SCD5: variants seen among roughly 807,000 people sequenced by gnomAD.
SCD5 encodes acyl-CoA-desaturase 4.
In SCD5, 20 loss-of-function variants were observed where a neutral mutation model predicts 30.4. The observed-to-expected ratio is 0.66, with a 90% confidence interval of 0.46 to 0.96. The LOEUF is 0.96. SCD5 is among the 40% of genes least tolerant of loss of function. SCD5 has a pLI of 0.00. For missense variants in SCD5, 381 were observed against 443.3 expected (o/e 0.86, Z 1.26); for synonymous variants, 173 against 176.4 (o/e 0.98, Z 0.16).
chr4:82,666,380 G>A (rs1342750317), intron 3 of SCD5, among the ~76,000 whole-genome samples: 1 of 152,148 alleles, frequency 6.6e-6, no homozygotes, highest in African/African-American at 2.4e-5. Context: ...GCCGGGCGTG[G>A]TGGCGGGCGC....
At chr4:82,649,058 A>G (rs574665800) in intron 3 of SCD5, among the ~76,000 whole-genome samples, 111 of 152,242 alleles carry the variant, frequency 7.3e-4, no homozygotes, top group African/African-American at 2.4e-3. Flanking sequence ...ATTACTAGAT[A>G]GCTGAGTAGT....
chr4:82,751,010 T>C (rs17006278), intron 1 of SCD5, among the ~76,000 whole-genome samples: 7,378 of 152,278 alleles, frequency 0.048, 613 homozygotes, highest in African/African-American at 0.17. Context: ...TCTGTGACTA[T>C]GTCTTCCTCC....
chr4:82,754,813 T>A (rs1721198526), intron 1 of SCD5, among the ~76,000 whole-genome samples: 1 of 152,160 alleles, frequency 6.6e-6, no homozygotes, highest in African/African-American at 2.4e-5. Context: ...AACACTGGGA[T>A]CTGTGAGGCT....
chr4:82,763,318 C>G (rs1721418396), intron 1 of SCD5, among the ~76,000 whole-genome samples: 1 of 152,136 alleles, frequency 6.6e-6, no homozygotes, highest in African/African-American at 2.4e-5. Context: ...TCGAGACCAG[C>G]CTGGCCAACA....
intron 1 of SCD5, among the ~76,000 whole-genome samples, chr4:82,739,167 TC>T (rs1385644952): frequency 1.3e-5 from 2 of 152,304 alleles, no homozygotes; most frequent in South Asian, 2.1e-4. Flanking sequence ...AAGTACCTGT[TC>T]TTGTCCTTGC....
rs780529780 is a variant in SCD5 at position 82,680,920 on chromosome 4, G to A, written c.364-8C>T. 1 of 1,608,522 alleles carries A rather than the reference G, an allele frequency of 6.2e-7. No individual in the cohort carries two copies. The highest frequency in any genetic ancestry group is 2.2e-5 in the East Asian group (1 of 44,844). ...CCACTCGAAGATGTCATTCTGCAGA[G>A]AGAATGAGAGCCTGAGTGAAGAGAG... On this transcript the variant is annotated splice_polypyrimidine_tract_variant and splice_region_variant and intron_variant, in intron 2 of 4. Transcript: ENST00000319540.
chr4:82,744,073 G>A (rs1478880951), intron 1 of SCD5, among the ~76,000 whole-genome samples: 1 of 152,072 alleles, frequency 6.6e-6, no homozygotes, highest in Admixed American at 6.6e-5. Flanking sequence ...AGATCCGCCT[G>A]CCTCAGCCTC....
intron 1 of SCD5, among the ~76,000 whole-genome samples, chr4:82,713,026 C>T (rs1720143841): frequency 6.6e-6 from 1 of 152,194 alleles, no homozygotes; most frequent in African/African-American, 2.4e-5. Flanking sequence ...ATTATACTTA[C>T]AATAACCGGC....
At chr4:82,739,901 A>T (rs1720837768) in intron 1 of SCD5, among the ~76,000 whole-genome samples, 1 of 152,202 alleles carries the variant, frequency 6.6e-6, no homozygotes, top group Non-Finnish European at 1.5e-5. Flanking sequence ...AGGCGAGTGC[A>T]GGTCCCGACC....
intron 1 of SCD5, among the ~76,000 whole-genome samples, chr4:82,713,448 T>C (rs1394715388): frequency 6.6e-6 from 1 of 152,216 alleles, no homozygotes; most frequent in Non-Finnish European, 1.5e-5. Flanking sequence ...GAAGGCAAGA[T>C]TTTGGATCGT....
rs1261395077 is a variant in SCD5, at chr4:82,752,181, T to G, written c.232+46125A>C. Among the ~76,000 whole-genome samples the G allele has an allele frequency of 2.0e-5, 3 of 151,926 alleles. No homozygotes were observed. The South Asian group carries it at 6.2e-4, about 32-fold the overall frequency. ...ATTTTAAACCAGGAAAATCTGCTCA[T>G]GTATGGGAATTTGTAGTTCTATAAG... On this transcript the variant is annotated intron_variant, in intron 1 of 4. Transcript: ENST00000319540.
chr4:82,635,921 TC>T (rs1372841132), intron 4 of SCD5, among the ~76,000 whole-genome samples: 1 of 152,132 alleles, frequency 6.6e-6, no homozygotes, highest in African/African-American at 2.4e-5. Flanking sequence ...AGGCCTTTTT[TC>T]TTAAGCTCTG....
intron 3 of SCD5, among the ~76,000 whole-genome samples, chr4:82,663,792 A>AC (rs1728087688): frequency 6.6e-6 from 1 of 152,104 alleles, no homozygotes; most frequent in Non-Finnish European, 1.5e-5. Context: ...GGAAACCCTC[A>AC]CCCCCAGACA....
chr4:82,778,862 G>C (rs1485712983), intron 1 of SCD5, among the ~76,000 whole-genome samples: 1 of 150,782 alleles, frequency 6.6e-6, no homozygotes, highest in Non-Finnish European at 1.5e-5. Flanking sequence ...TTGCCAACTA[G>C]CTAATCTTTT....
intron 2 of SCD5, among the ~76,000 whole-genome samples, chr4:82,693,687 C>T (rs1484369501): frequency 6.6e-6 from 1 of 152,210 alleles, no homozygotes; most frequent in African/African-American, 2.4e-5. Context: ...CCGAGCCTGG[C>T]TGGGCATTGT....
At chr4:82,720,452 A>AAG (rs1560543509) in intron 1 of SCD5, among the ~76,000 whole-genome samples, 4 of 150,376 alleles carry the variant, frequency 2.7e-5, no homozygotes, top group African/African-American at 9.8e-5. Flanking sequence ...AAAAAAAAAA[A>AAG]AAAAAAAAAA....
At chr4:82,689,717 GC>G (rs1728790884) in intron 2 of SCD5, among the ~76,000 whole-genome samples, 1 of 152,120 alleles carries the variant, frequency 6.6e-6, no homozygotes, top group Non-Finnish European at 1.5e-5. Flanking sequence ...CATAATCTTT[GC>G]ATAAATTAAT....
intron 1 of SCD5, among the ~76,000 whole-genome samples, chr4:82,767,747 T>C (rs1222627388): frequency 6.6e-6 from 1 of 152,212 alleles, no homozygotes; most frequent in East Asian, 1.9e-4. Flanking sequence ...TACATTTTCT[T>C]TTCCTCTATA....
chr4:82,726,666 T>C (rs1880715), intron 1 of SCD5, among the ~76,000 whole-genome samples: 61,531 of 151,606 alleles, frequency 0.41, 12,725 homozygotes, highest in African/African-American at 0.48. Flanking sequence ...AATATTTAAT[T>C]CTTACTAAAC....
Sources: gnomAD v4.1 joint callset for allele counts (sites outside exome capture counted in the v4.1 genomes callset) on GRCh38, gnomAD v4.1.1 for gene constraint, MANE v1.5 for transcripts, NCBI Gene and HGNC (gene_info 2026-07-23, HGNC 2026-07-21) for gene names.